Variants in PCGF5 observed in about 807,000 individuals in gnomAD.
The protein encoded by PCGF5 is polycomb group ring finger 5, also known as polycomb group RING finger protein 5.
PCGF5 carries 9 observed loss-of-function variants against 44.3 expected under a neutral mutation model. The ratio of observed to expected loss-of-function variants is 0.20; its 90% CI spans 0.12 to 0.35. PCGF5 has a LOEUF of 0.35. Among genes scored for constraint, PCGF5 ranks in the 10% least tolerant of loss-of-function variants. PCGF5 has a pLI of 1.00. For synonymous variants in PCGF5, 95 were observed against 102.5 expected (o/e 0.93, Z 0.44); for missense variants, 146 against 305.3 (o/e 0.48, Z 3.89).
At chr10:91,233,839 T>C (rs1398158303) in intron 2 of PCGF5, among the ~76,000 whole-genome samples, 1 of 152,228 alleles carries the variant, frequency 6.6e-6, no homozygotes, top group Non-Finnish European at 1.5e-5. Flanking sequence ...AGAAAAAATA[T>C]GCATCTAAGT....
the PCGF5 span, among the ~76,000 whole-genome samples, chr10:91,157,795 G>C: frequency 6.6e-6 from 1 of 152,192 alleles, no homozygotes; most frequent in Non-Finnish European, 1.5e-5. Flanking sequence ...GAGTGCTGTG[G>C]GAACTGGAGA....
At chr10:91,239,927 T>C (rs1845277875) in intron 2 of PCGF5, among the ~76,000 whole-genome samples, 1 of 152,182 alleles carries the variant, frequency 6.6e-6, no homozygotes, top group Non-Finnish European at 1.5e-5. Context: ...CCATTATTCA[T>C]ACTTCGTGCT....
At chr10:91,260,314 G>A (rs1845866270) in intron 6 of PCGF5, among the ~76,000 whole-genome samples, 2 of 152,112 alleles carry the variant, frequency 1.3e-5, no homozygotes, top group South Asian at 4.1e-4. Flanking sequence ...GAAACAACAG[G>A]TGCTGGAGAG....
At chr10:91,184,166 G>T (rs1367196733) in intron 1 of PCGF5, among the ~76,000 whole-genome samples, 1 of 152,072 alleles carries the variant, frequency 6.6e-6, no homozygotes, top group Non-Finnish European at 1.5e-5. Flanking sequence ...TTCCAAATTG[G>T]TTCCATTCTC....
chr10:91,164,306 C>T (rs575683190), intron 1 of PCGF5, among the ~76,000 whole-genome samples: 2 of 152,338 alleles, frequency 1.3e-5, no homozygotes, highest in East Asian at 1.9e-4. Flanking sequence ...CAGCGGGGTC[C>T]CCTCTTCCAC....
At chr10:91,253,979 G>A (rs1845684210) in intron 6 of PCGF5, among the ~76,000 whole-genome samples, 1 of 151,962 alleles carries the variant, frequency 6.6e-6, no homozygotes, top group East Asian at 1.9e-4. Flanking sequence ...AGCCAGATTT[G>A]GCCTGAGGAC....
At chr10:91,258,314 A>G (rs7085807) in intron 6 of PCGF5, among the ~76,000 whole-genome samples, 19,876 of 152,164 alleles carry the variant, frequency 0.13, 2,439 homozygotes, top group African/African-American at 0.32. Flanking sequence ...GATTCTTCCT[A>G]ATTTCTTGAC....
At chr10:91,264,391 C>A in intron 7 of PCGF5, 40 bp from the exon 8 acceptor site, 1 of 1,435,440 alleles carries the variant, frequency 7.0e-7, no homozygotes, top group South Asian at 1.4e-5. Context: ...CTTTTGAATT[C>A]AACATTATGT....
At chr10:91,177,934 C>G (rs1285121782) in intron 1 of PCGF5, among the ~76,000 whole-genome samples, 2 of 152,130 alleles carry the variant, frequency 1.3e-5, no homozygotes, top group Non-Finnish European at 2.9e-5. Context: ...ACCCACTGTC[C>G]AACAATCCCC....
At chr10:91,161,540 G>T (rs560159569), upstream of PCGF5, among the ~76,000 whole-genome samples, 1 of 152,298 alleles carries the variant, frequency 6.6e-6, no homozygotes, top group South Asian at 2.1e-4. Context: ...ACTTTTTCAT[G>T]ATTTACTCTA....
At chr10:91,177,262 TG>T (rs1350986587) in intron 1 of PCGF5, among the ~76,000 whole-genome samples, 2 of 151,352 alleles carry the variant, frequency 1.3e-5, no homozygotes, top group Non-Finnish European at 3.0e-5. Flanking sequence ...ATCGTTCCTC[TG>T]GAAGTTTTGT....
chr10:91,249,835 G>A (rs983010326), intron 5 of PCGF5, among the ~76,000 whole-genome samples: 6 of 151,802 alleles, frequency 4.0e-5, no homozygotes, highest in Non-Finnish European at 8.8e-5. Context: ...AATAACTAGG[G>A]CTTGTTTTAC....
chr10:91,157,678 A>G, the PCGF5 span, among the ~76,000 whole-genome samples: 1 of 152,202 alleles, frequency 6.6e-6, no homozygotes, highest in Non-Finnish European at 1.5e-5. Context: ...AGCCCAATGG[A>G]TGGTGGTGAT....
intron 2 of PCGF5, among the ~76,000 whole-genome samples, chr10:91,238,619 T>TCTTTCTTTC (rs1564645069): frequency 3.6e-5 from 5 of 137,532 alleles, no homozygotes; most frequent in African/African-American, 1.4e-4. Context: ...TTTTTTTTTT[T>TCTTTCTTTC]TTTTTTTTTT....
intron 2 of PCGF5, among the ~76,000 whole-genome samples, chr10:91,237,938 A>G (rs954894746): frequency 1.5e-4 from 23 of 152,158 alleles, no homozygotes; most frequent in Admixed American, 1.3e-4. Context: ...CTAGAATAGC[A>G]CCCTTTGGTA....
chr10:91,210,237 C>T (rs189437260), intron 1 of PCGF5, among the ~76,000 whole-genome samples: 10 of 152,236 alleles, frequency 6.6e-5, no homozygotes, highest in East Asian at 1.9e-4. Context: ...CCTTTTTCTG[C>T]CAGAGAGTGC....
chr10:91,235,832 G>T (rs1845146941), intron 2 of PCGF5, among the ~76,000 whole-genome samples: 1 of 152,156 alleles, frequency 6.6e-6, no homozygotes, highest in Non-Finnish European at 1.5e-5. Context: ...TACCTTGATT[G>T]TGAGGCCTCC....
At chr10:91,229,633 A>G (rs1483145768) in intron 2 of PCGF5, among the ~76,000 whole-genome samples, 2 of 152,120 alleles carry the variant, frequency 1.3e-5, no homozygotes, top group African/African-American at 4.8e-5. Context: ...ATGTTAATTA[A>G]AATTATAGCT....
intron 6 of PCGF5, among the ~76,000 whole-genome samples, chr10:91,252,101 ATGT>A (rs1845635631): frequency 6.6e-6 from 1 of 151,960 alleles, no homozygotes; most frequent in African/African-American, 2.4e-5. Flanking sequence ...TACTTTAATA[ATGT>A]TTTCTACCTT....
Sources: gnomAD v4.1 joint callset for allele counts (sites outside exome capture counted in the v4.1 genomes callset) on GRCh38, gnomAD v4.1.1 for gene constraint, MANE v1.5 for transcripts, NCBI Gene and HGNC (gene_info 2026-07-23, HGNC 2026-07-21) for gene names.